The following MAP4 variants were observed in gnomAD, a reference collection of about 807,000 sequenced individuals.
MAP4 encodes the protein microtubule-associated protein 4.
In MAP4, 76 loss-of-function variants were observed where a neutral mutation model predicts 170.2. The observed-to-expected ratio is 0.45, with a 90% confidence interval of 0.37 to 0.54. MAP4 has a LOEUF of 0.54. MAP4 is among the 20% of genes least tolerant of loss of function. The pLI is 0.00. For synonymous variants in MAP4, 909 were observed against 994.5 expected (o/e 0.91, Z 1.62); for missense variants, 2,506 against 2,748.0 (o/e 0.91, Z 1.97).
At chr3:47,985,407 C>G (rs1285659333) in intron 2 of MAP4, among the ~76,000 whole-genome samples, 1 of 152,066 alleles carries the variant, frequency 6.6e-6, no homozygotes, top group Non-Finnish European at 1.5e-5. Context: ...CCACTGCACT[C>G]CAGCTAGGGT....
chr3:48,058,120 G>A (rs1166472097), intron 1 of MAP4, among the ~76,000 whole-genome samples: 1 of 152,070 alleles, frequency 6.6e-6, no homozygotes, highest in African/African-American at 2.4e-5. Context: ...CATTTCGTTG[G>A]CTGTAAATAA....
chr3:47,874,970 C>T (rs1331270645), intron 12 of MAP4, among the ~76,000 whole-genome samples: 1 of 150,966 alleles, frequency 6.6e-6, no homozygotes, highest in East Asian at 1.9e-4. Context: ...CAGCCACAGC[C>T]TCCACTATCC....
At chr3:47,905,368 G>A (rs2100032353) in intron 9 of MAP4, among the ~76,000 whole-genome samples, 2 of 152,060 alleles carry the variant, frequency 1.3e-5, no homozygotes, top group African/African-American at 4.8e-5. Flanking sequence ...GAAGCCTGGT[G>A]GAAAGATCAA....
At chr3:48,045,780 A>G (rs1298341496) in intron 1 of MAP4, among the ~76,000 whole-genome samples, 2 of 152,210 alleles carry the variant, frequency 1.3e-5, no homozygotes. Flanking sequence ...TGACCTTGTG[A>G]TCCGCCTGCC....
intron 20 of MAP4, 70 bp downstream of exon 20, chr3:47,853,093 C>G: frequency 6.2e-7 from 1 of 1,613,992 alleles, no homozygotes; most frequent in Non-Finnish European, 8.5e-7. Flanking sequence ...TAGTCAAAAA[C>G]AAAGGAGTTT....
At chr3:48,056,624 C>T (rs1344672651) in intron 1 of MAP4, among the ~76,000 whole-genome samples, 1 of 124,428 alleles carries the variant, frequency 8.0e-6, no homozygotes, top group Non-Finnish European at 1.6e-5. Flanking sequence ...GTGGGGGGGT[C>T]AGCCCCCCGC....
chr3:47,852,841 G>A lies in MAP4; in HGVS notation c.*93C>T. ...GCCAAGGACCCGGGAGCCCGAGTTG[G>A]GGCCGCCAGGGAAGTGTGGGGGGCG... On this transcript the variant is annotated 3_prime_UTR_variant, in exon 21 of 21. Transcript: ENST00000683076. The A allele has an allele frequency of 6.4e-7, 1 of 1,555,726 alleles. No individual in the cohort carries two copies. The highest frequency in any genetic ancestry group is 1.2e-5 in the South Asian group (1 of 85,126).
intron 1 of MAP4, among the ~76,000 whole-genome samples, chr3:48,057,624 A>AATAC (rs1378675110): frequency 1.2e-3 from 173 of 145,860 alleles, no homozygotes; most frequent in African/African-American, 3.9e-3. Context: ...TAAATAAATA[A>AATAC]ATAAATAAAA....
intron 10 of MAP4, among the ~76,000 whole-genome samples, chr3:47,882,001 T>C (rs1027485706): frequency 2.6e-5 from 4 of 152,182 alleles, no homozygotes; most frequent in African/African-American, 9.7e-5. Context: ...GATGGCCAGG[T>C]ACAGTGGCTC....
intron 10 of MAP4, among the ~76,000 whole-genome samples, chr3:47,885,775 C>A (rs1449997879): frequency 2.0e-5 from 3 of 150,692 alleles, no homozygotes; most frequent in Non-Finnish European, 2.9e-5. Flanking sequence ...GTCACCCAGG[C>A]TGGAGTGCAG....
chr3:47,914,909 C>T lies in MAP4; in HGVS notation c.1907G>A (p.Ser636Asn). Residue 636 changes from serine (S) to asparagine (N), a missense_variant, in exon 8 of 21, where the codon AGC becomes AAC. By Grantham distance (46) the Ser-to-Asn change is conservative. Coordinates refer to ENST00000683076, the MANE Select transcript of MAP4 (RefSeq NM_001385682.1). ...ETVTGTGKKC[S>N]LPAEEDSVLE... ...CACAGAATCCTCCTCGGCCGGCAAG[C>T]TGCACTTTTTCCCCGTTCCTGTGAC... 6.2e-7 allele frequency: 1 copy of T among 1,614,072 alleles called. No individual in the cohort carries two copies. Among genetic ancestry groups the T allele is most frequent in the Non-Finnish European group, 8.5e-7 (1 of 1,180,022 alleles).
chr3:47,864,022 G>C (rs1021441809), intron 17 of MAP4, among the ~76,000 whole-genome samples: 1 of 151,038 alleles, frequency 6.6e-6, no homozygotes, highest in Non-Finnish European at 1.5e-5. Context: ...CTGTCACCCA[G>C]GCTGAAGTGT....
intron 3 of MAP4, among the ~76,000 whole-genome samples, chr3:47,945,211 G>T (rs1454618785): frequency 6.6e-6 from 1 of 151,934 alleles, no homozygotes; most frequent in Admixed American, 6.6e-5. Context: ...AATTAGCCAG[G>T]CATGGTGGCA....
intron 1 of MAP4, among the ~76,000 whole-genome samples, chr3:48,047,720 G>T (rs1002832140): frequency 1.3e-5 from 2 of 152,098 alleles, no homozygotes; most frequent in Non-Finnish European, 2.9e-5. Flanking sequence ...TAAACACATG[G>T]GTGTTTTGGT....
intron 2 of MAP4, chr3:47,987,331 C>T (rs1213521989): frequency 7.5e-7 from 1 of 1,328,144 alleles, no homozygotes; most frequent in African/African-American, 1.5e-5. Context: ...TAATTATGAT[C>T]TTACAAGTAC....
At position 47,998,716 on chromosome 3, in the gene MAP4, G is replaced by A; in HGVS notation, c.145C>T (p.Pro49Ser). 1 of 1,614,086 alleles carries A rather than the reference G, an allele frequency of 6.2e-7. No homozygotes were observed. The highest frequency in any genetic ancestry group is 8.5e-7 in the Non-Finnish European group (1 of 1,179,980). Residue 49 changes from proline to serine, a missense_variant, in exon 2 of 21, where the codon CCT (proline) becomes TCT (serine). Physicochemically the swap from Pro to Ser is moderately conservative, Grantham distance 74. Coordinates refer to ENST00000683076, the MANE Select transcript of MAP4 (RefSeq NM_001385682.1). Reference protein sequence around the residue: ...GETVGKTDYIPLLDVDEKTGN... With the variant: ...GETVGKTDYISLLDVDEKTGN... ...GTTTTCTCATCAACATCCAGGAGAG[G>A]AATATAGTCTGTTTTTCCAACAGTT...
intron 3 of MAP4, among the ~76,000 whole-genome samples, chr3:47,962,196 C>T (rs543309443): frequency 1.8e-4 from 28 of 152,288 alleles, no homozygotes; most frequent in African/African-American, 5.8e-4. Context: ...TCACAGACAC[C>T]GATTCTGGGC....
chr3:47,867,432 G>T, intron 16 of MAP4, 94 bp from the exon 17 acceptor site: 4 of 800,040 alleles, frequency 5.0e-6, no homozygotes, highest in South Asian at 4.5e-5. Flanking sequence ...TGATCACAAT[G>T]ACCAACAAAA....
chr3:48,054,522 C>A (rs2100129602), intron 1 of MAP4, among the ~76,000 whole-genome samples: 2 of 147,904 alleles, frequency 1.4e-5, no homozygotes, highest in Admixed American at 6.9e-5. Context: ...CCTAGCTACT[C>A]AGGAGGCTGA....
Sources: allele counts gnomAD v4.1 joint callset (sites outside exome capture counted in the v4.1 genomes callset), GRCh38; gene constraint gnomAD v4.1.1; transcripts MANE v1.5; gene names NCBI Gene and HGNC (gene_info 2026-07-23, HGNC 2026-07-21).